The following NLN variants were observed in gnomAD, a reference collection of about 807,000 sequenced individuals.
NLN encodes the protein neurolysin.
Under a neutral mutation model 79.9 loss-of-function variants are expected in NLN, and 64 were observed. The ratio of observed to expected loss-of-function variants is 0.80; its 90% CI spans 0.65 to 0.99. The LOEUF (loss-of-function observed/expected upper bound fraction) is 0.99. Among genes scored for constraint, NLN ranks in the 50% least tolerant of loss-of-function variants. The pLI, the probability that NLN is intolerant of heterozygous loss-of-function variation, is 0.00. For missense variants in NLN, 835 were observed against 858.7 expected (o/e 0.97, Z 0.34); for synonymous variants, 267 against 296.6 (o/e 0.90, Z 1.02).
rs1371951560 is a variant in NLN at position 65,809,501 on chromosome 5, T to C, written c.1528-14T>C. ...TTGAGTTCTTTAAAAAAATTCTCTGTGTTTGCTTTCTAGACTGATTTTGCA... is the reference window on the plus strand; with the variant it reads ...TTGAGTTCTTTAAAAAAATTCTCTGCGTTTGCTTTCTAGACTGATTTTGCA... On this transcript the variant is annotated splice_polypyrimidine_tract_variant and intron_variant, in intron 9 of 12. Transcript: ENST00000380985. The C allele has an allele frequency of 1.9e-6, 3 of 1,571,706 alleles. No individual in the cohort carries two copies. In the South Asian group the frequency reaches 3.6e-5, roughly 19 times the overall value.
chr5:65,744,489 G>T (rs115527680), intron 1 of NLN, among the ~76,000 whole-genome samples: 1,419 of 84,634 alleles, frequency 0.017, 18 homozygotes, highest in African/African-American at 0.056. Flanking sequence ...TTTTTTTTTT[G>T]CTGATGTCTG....
chr5:65,740,472 A>G (rs183210870), intron 1 of NLN, among the ~76,000 whole-genome samples: 2,282 of 152,286 alleles, frequency 0.015, 37 homozygotes, highest in Admixed American at 0.041. Flanking sequence ...CTGAGGATTC[A>G]GTTTCAAAAT....
intron 1 of NLN, among the ~76,000 whole-genome samples, chr5:65,739,561 CTA>C (rs1758827521): frequency 6.6e-6 from 1 of 151,982 alleles, no homozygotes; most frequent in Non-Finnish European, 1.5e-5. Context: ...TATAGTAGTT[CTA>C]TGTTTAATAT....
In NLN at chr5:65,826,508, T is replaced by G. The variant is rs1760923545; in HGVS notation, c.*3593T>G. 6.6e-6 allele frequency: 1 copy of G among 152,250 alleles called. No individual in the cohort carries two copies. Among genetic ancestry groups the G allele is most frequent in the African/African-American group, 2.4e-5 (1 of 41,466 alleles). The allele number at this position is 152,250 out of a possible 1,614,324, so 9.4% of individuals were successfully genotyped here. On this transcript the variant is annotated 3_prime_UTR_variant, in exon 13 of 13. Coordinates refer to ENST00000380985, the MANE Select transcript of NLN (RefSeq NM_020726.5). ...TTGAATAGATGCAGTGACCACAGCTTCTTCCCTCAAATCAACACATTACAG... is the reference window on the plus strand; with the variant it reads ...TTGAATAGATGCAGTGACCACAGCTGCTTCCCTCAAATCAACACATTACAG...
intron 9 of NLN, among the ~76,000 whole-genome samples, chr5:65,795,450 G>A (rs1760155621): frequency 6.6e-6 from 1 of 152,132 alleles, no homozygotes; most frequent in Admixed American, 6.5e-5. Context: ...ACTTTGCGAG[G>A]CCCAGGCAAG....
At chr5:65,724,362 C>T (rs556340707) in intron 1 of NLN, among the ~76,000 whole-genome samples, 2 of 152,094 alleles carry the variant, frequency 1.3e-5, no homozygotes, top group African/African-American at 4.8e-5. Flanking sequence ...TGTCCTTTTG[C>T]GTCTGGTTTA....
chr5:65,782,951 T>A (rs1269418942), intron 6 of NLN, among the ~76,000 whole-genome samples: 1 of 152,234 alleles, frequency 6.6e-6, no homozygotes, highest in African/African-American at 2.4e-5. Flanking sequence ...CAGCCTGCAA[T>A]GTCTGGGTCC....
At chr5:65,757,954 C>G (rs536048228) in intron 1 of NLN, among the ~76,000 whole-genome samples, 1 of 152,002 alleles carries the variant, frequency 6.6e-6, no homozygotes, top group Non-Finnish European at 1.5e-5. Flanking sequence ...AGATACTGGC[C>G]GGGTGCAGTG....
intron 11 of NLN, among the ~76,000 whole-genome samples, 157 bp from the exon 12 acceptor site, chr5:65,812,098 C>CA (rs1336879010): frequency 6.6e-6 from 1 of 152,066 alleles, no homozygotes; most frequent in African/African-American, 2.4e-5. Flanking sequence ...ACATCTTGGC[C>CA]AAGAGGACAC....
chr5:65,751,836 A>G (rs1383046911), intron 1 of NLN, among the ~76,000 whole-genome samples: 1 of 152,082 alleles, frequency 6.6e-6, no homozygotes, highest in Non-Finnish European at 1.5e-5. Context: ...CCTAAACACT[A>G]TTATTATGAT....
chr5:65,815,971 C>G (rs374792071), intron 12 of NLN, among the ~76,000 whole-genome samples: 11 of 152,066 alleles, frequency 7.2e-5, no homozygotes, highest in African/African-American at 2.7e-4. Flanking sequence ...TTTTTGGTAA[C>G]TGGGTACTTG....
intron 2 of NLN, among the ~76,000 whole-genome samples, 158 bp from the exon 3 acceptor site, chr5:65,762,786 CAGCCAAATCCTATATT>C (rs1426077733): frequency 1.3e-5 from 2 of 152,040 alleles, no homozygotes; most frequent in African/African-American, 2.4e-5. Flanking sequence ...CCAGCTGGAA[CAGCCAAATCCTATATT>C]AGATGCTTTT....
chr5:65,728,680 A>T (rs925436067), intron 1 of NLN, among the ~76,000 whole-genome samples: 1 of 152,048 alleles, frequency 6.6e-6, no homozygotes, highest in Non-Finnish European at 1.5e-5. Flanking sequence ...TATAATTTGC[A>T]TTTTCATACA....
At chr5:65,772,953 GT>G (rs34968007) in intron 3 of NLN, among the ~76,000 whole-genome samples, 79,087 of 140,450 alleles carry the variant, frequency 0.56, 21,970 homozygotes, top group South Asian at 0.6. Context: ...ATTCTTTTTT[GT>G]TTTTTTTTTT....
chr5:65,805,195 T>C (rs1442013430), intron 9 of NLN, among the ~76,000 whole-genome samples: 2 of 152,200 alleles, frequency 1.3e-5, no homozygotes, highest in Admixed American at 1.3e-4. Context: ...TGGCCTCCTA[T>C]CTGAGACTCA....
At chr5:65,767,064 G>A (rs1759467162) in intron 3 of NLN, among the ~76,000 whole-genome samples, 1 of 152,220 alleles carries the variant, frequency 6.6e-6, no homozygotes, top group Admixed American at 6.5e-5. Flanking sequence ...CAGGGTGCAA[G>A]CTGTCATGTG....
chr5:65,723,269 A>G (rs1056669849), intron 1 of NLN, among the ~76,000 whole-genome samples: 1 of 152,218 alleles, frequency 6.6e-6, no homozygotes, highest in Admixed American at 6.5e-5. Context: ...AGCTTTCTAC[A>G]GTTCCCTTTT....
chr5:65,774,985 A>G (rs904531053), intron 3 of NLN, among the ~76,000 whole-genome samples: 1 of 152,108 alleles, frequency 6.6e-6, no homozygotes, highest in Non-Finnish European at 1.5e-5. Context: ...TCGGCCTCCC[A>G]ATGCTGGGAT....
At chr5:65,738,980 T>TATTTATA (rs1429675157) in intron 1 of NLN, among the ~76,000 whole-genome samples, 2 of 28,300 alleles carry the variant, frequency 7.1e-5, no homozygotes, top group African/African-American at 2.5e-4. Context: ...AATATATATA[T>TATTTATA]TATATATTTA....
Sources: allele counts gnomAD v4.1 joint callset (sites outside exome capture counted in the v4.1 genomes callset), GRCh38; gene constraint gnomAD v4.1.1; transcripts MANE v1.5; gene names NCBI Gene and HGNC (gene_info 2026-07-23, HGNC 2026-07-21).